UNC5D: variants seen among roughly 807,000 people sequenced by gnomAD.
UNC5D encodes the protein netrin receptor UNC5D.
In UNC5D, 39 loss-of-function variants were observed where a neutral mutation model predicts 105.4. That is an observed-to-expected ratio of 0.37 (90% confidence interval 0.29 to 0.48). The LOEUF (loss-of-function observed/expected upper bound fraction) is 0.48, where lower values mean the gene tolerates loss of function less well. UNC5D is among the 20% of genes least tolerant of loss of function. UNC5D has a pLI of 0.98. For synonymous variants in UNC5D, 452 were observed against 450.4 expected (o/e 1.00, Z -0.04); for missense variants, 991 against 1,202.4 (o/e 0.82, Z 2.60).
chr8:35,257,194 C>T (rs987984369), intron 1 of UNC5D, among the ~76,000 whole-genome samples: 2 of 152,016 alleles, frequency 1.3e-5, no homozygotes, highest in African/African-American at 4.8e-5. Context: ...TGATCACGAT[C>T]TCCTGACCTC....
intron 1 of UNC5D, among the ~76,000 whole-genome samples, chr8:35,248,689 A>G (rs1378300455): frequency 1.0e-5 from 1 of 99,392 alleles, no homozygotes; most frequent in Non-Finnish European, 1.7e-5. Flanking sequence ...AATATATATA[A>G]AATATATAAA....
intron 9 of UNC5D, among the ~76,000 whole-genome samples, chr8:35,724,563 C>T (rs1184578895): frequency 1.3e-5 from 2 of 152,270 alleles, no homozygotes; most frequent in South Asian, 2.1e-4. Context: ...TTTCTCTGAC[C>T]GTGGATGCTA....
intron 1 of UNC5D, among the ~76,000 whole-genome samples, chr8:35,337,906 C>T (rs910092161): frequency 1.3e-5 from 2 of 152,192 alleles, no homozygotes; most frequent in African/African-American, 2.4e-5. Flanking sequence ...TCTGCATTAT[C>T]CAAATTGATT....
chr8:35,334,649 A>T (rs1810884393), intron 1 of UNC5D, among the ~76,000 whole-genome samples: 1 of 152,030 alleles, frequency 6.6e-6, no homozygotes, highest in South Asian at 2.1e-4. Context: ...AGTAGCTGGG[A>T]TTACAAGTAC....
intron 1 of UNC5D, among the ~76,000 whole-genome samples, chr8:35,297,342 T>G (rs1414329705): frequency 2.6e-5 from 4 of 152,202 alleles, no homozygotes; most frequent in African/African-American, 7.2e-5. Context: ...ATTTTTTCAA[T>G]AAATTACAGG....
chr8:35,413,640 C>CTTG (rs1805341412), intron 1 of UNC5D, among the ~76,000 whole-genome samples: 1 of 152,066 alleles, frequency 6.6e-6, no homozygotes, highest in Non-Finnish European at 1.5e-5. Flanking sequence ...GAAAGGATCT[C>CTTG]TCTACCCAGG....
intron 1 of UNC5D, among the ~76,000 whole-genome samples, chr8:35,261,241 C>T (rs769086231): frequency 6.6e-6 from 1 of 152,124 alleles, no homozygotes; most frequent in Non-Finnish European, 1.5e-5. Context: ...ATAAATAAGG[C>T]AAACCTATCT....
intron 1 of UNC5D, among the ~76,000 whole-genome samples, chr8:35,298,965 G>T (rs1368095676): frequency 1.3e-5 from 2 of 152,072 alleles, no homozygotes; most frequent in African/African-American, 4.8e-5. Context: ...TTTCAAAATT[G>T]GTACACCTGC....
intron 1 of UNC5D, among the ~76,000 whole-genome samples, chr8:35,467,128 G>A (rs1229175504): frequency 6.6e-6 from 1 of 152,152 alleles, no homozygotes; most frequent in Non-Finnish European, 1.5e-5. Context: ...AGACAAGCAG[G>A]TTTTGAGTGT....
At chr8:35,778,971 C>G (rs556248170) in intron 16 of UNC5D, among the ~76,000 whole-genome samples, 6 of 152,158 alleles carry the variant, frequency 3.9e-5, no homozygotes, top group Admixed American at 6.5e-5. Flanking sequence ...GTGGCCTTGC[C>G]GCTTGCCTGG....
At position 35,651,700 on chromosome 8, in the gene UNC5D, T is replaced by A. The variant is rs146799421; in HGVS notation, c.571-31847T>A. Among the ~76,000 whole-genome samples the A allele has an allele frequency of 1.1e-3, 175 of 152,338 alleles. 1 individual carries two copies. Among genetic ancestry groups the A allele is most frequent in the African/African-American group, 4.0e-3 (166 of 41,590 alleles). On this transcript the variant is annotated intron_variant, in intron 4 of 16. Coordinates refer to ENST00000404895, the MANE Select transcript of UNC5D (RefSeq NM_080872.4). ...CTGTAGCACTTTTTTAACCTTTCAC[T>A]ATATATAATGTATCCCCATTTAGTT... is the stretch of plus-strand genomic sequence containing the variant.
Position 35,305,260 on chromosome 8 carries a change from C to T in UNC5D, c.103+69373C>T, listed in dbSNP as rs369706903. 2.3e-4 allele frequency among the ~76,000 whole-genome samples: 35 copies of T among 152,110 alleles called. 1 individual carries two copies. Among genetic ancestry groups the T allele is most frequent in the Admixed American group, 1.3e-3 (20 of 15,254 alleles). On this transcript the variant is annotated intron_variant, in intron 1 of 16. Coordinates refer to ENST00000404895, the MANE Select transcript of UNC5D (RefSeq NM_080872.4). ...TTGAATATAAATGAAGAAATAACCA[C>T]GGTCAGAACTATCTTAAAATAGCAT...
intron 11 of UNC5D, among the ~76,000 whole-genome samples, chr8:35,738,337 T>G (rs1189825772): frequency 6.6e-6 from 1 of 152,192 alleles, no homozygotes; most frequent in Non-Finnish European, 1.5e-5. Context: ...ACTTGATAGC[T>G]GAGAAGTCTG....
Position 35,748,527 on chromosome 8 carries a change from C to G in UNC5D, c.1767C>G (p.Ser589Arg), listed in dbSNP as rs752713288. 5.0e-6 allele frequency: 8 copies of G among 1,611,642 alleles called. No homozygotes were observed. The highest frequency in any genetic ancestry group is 6.8e-6 in the Non-Finnish European group (8 of 1,179,224). The change falls in exon 12 of 17, where the codon AGC becomes AGG. Residue 589 changes from serine to arginine, a missense_variant and splice_region_variant. Ser to Arg is a moderately radical substitution (Grantham distance 110, BLOSUM62 -1). Coordinates refer to ENST00000404895, the MANE Select transcript of UNC5D (RefSeq NM_080872.4). ...IYMSINQGEPSLQSDGSEVLL... is the reference protein window; with the variant it reads ...IYMSINQGEPRLQSDGSEVLL... The stretch of plus-strand genomic sequence containing the variant: ...TTCTATCCTTTTTTCAACTGTGAAG[C>G]CTCCAGTCAGATGGCTCTGAGGTGC...
At chr8:35,467,742 T>A (rs1809414368) in intron 1 of UNC5D, among the ~76,000 whole-genome samples, 1 of 151,970 alleles carries the variant, frequency 6.6e-6, no homozygotes, top group South Asian at 2.1e-4. Flanking sequence ...TGGGGTAGGG[T>A]GGAGGGAATA....
chr8:35,682,870 CT>C (rs1825762670), intron 4 of UNC5D, among the ~76,000 whole-genome samples: 1 of 152,182 alleles, frequency 6.6e-6, no homozygotes, highest in African/African-American at 2.4e-5. Context: ...GGAAGGTGGG[CT>C]TCTCCAGAAG....
intron 1 of UNC5D, among the ~76,000 whole-genome samples, chr8:35,237,159 T>C (rs1210531923): frequency 6.6e-6 from 1 of 150,914 alleles, no homozygotes; most frequent in Non-Finnish European, 1.5e-5. Context: ...TTTGCCCATT[T>C]GCATTTCATT....
intron 1 of UNC5D, among the ~76,000 whole-genome samples, chr8:35,284,549 T>C (rs1165267997): frequency 6.6e-6 from 1 of 151,998 alleles, no homozygotes; most frequent in Non-Finnish European, 1.5e-5. Flanking sequence ...TAAAATATAA[T>C]GTTTCTTTTC....
At chr8:35,281,528 C>CT (rs1159646264) in intron 1 of UNC5D, among the ~76,000 whole-genome samples, 1 of 152,034 alleles carries the variant, frequency 6.6e-6, no homozygotes, top group African/African-American at 2.4e-5. Flanking sequence ...CAACCTCCGC[C>CT]TCCCGGGTTC....
Sources: allele counts gnomAD v4.1 joint callset (sites outside exome capture counted in the v4.1 genomes callset), GRCh38; gene constraint gnomAD v4.1.1; transcripts MANE v1.5; gene names NCBI Gene and HGNC (gene_info 2026-07-23, HGNC 2026-07-21).